Variants in ATP8B1 observed in about 807,000 individuals in gnomAD.
ATP8B1 encodes the protein ATPase phospholipid transporting 8B1.
In ATP8B1, 80 loss-of-function variants were observed where a neutral mutation model predicts 149.9. That is an observed-to-expected ratio of 0.53 (90% CI 0.45 to 0.64). The LOEUF is 0.64. ATP8B1 is among the 30% of genes least tolerant of loss of function. The pLI, the probability that ATP8B1 is intolerant of heterozygous loss-of-function variation, is 0.00. For missense variants in ATP8B1, 1,247 were observed against 1,552.6 expected, an observed-to-expected ratio of 0.80 and a Z score of 3.31; for synonymous variants, 536 against 562.8, an observed-to-expected ratio of 0.95 and a Z score of 0.67.
chr18:57,684,419 C>T (rs1402733945), intron 14 of ATP8B1, among the ~76,000 whole-genome samples: 1 of 151,874 alleles, frequency 6.6e-6, no homozygotes, highest in Non-Finnish European at 1.5e-5. Context: ...CTCTGTCACC[C>T]GGGCTGGAGT....
intron 1 of ATP8B1, among the ~76,000 whole-genome samples, chr18:57,786,519 C>CTT (rs1373868827): frequency 6.6e-6 from 1 of 152,196 alleles, no homozygotes; most frequent in African/African-American, 2.4e-5. Context: ...AGGGACCATA[C>CTT]TTTGAAAACC....
At chr18:57,798,678 G>GT (rs1257801162) in intron 1 of ATP8B1, among the ~76,000 whole-genome samples, 1 of 152,186 alleles carries the variant, frequency 6.6e-6, no homozygotes, top group East Asian at 1.9e-4. Context: ...GATGTGATGG[G>GT]TAAAGGGGGC....
At chr18:57,783,101 C>T (rs1272428006) in intron 1 of ATP8B1, among the ~76,000 whole-genome samples, 1 of 152,078 alleles carries the variant, frequency 6.6e-6, no homozygotes, top group Non-Finnish European at 1.5e-5. Flanking sequence ...GCGTGAGCCA[C>T]GGTGCCCGGC....
chr18:57,695,095 A>C, intron 10 of ATP8B1, 76 bp downstream of exon 10: 1 of 1,501,816 alleles, frequency 6.7e-7, no homozygotes, highest in Non-Finnish European at 9.2e-7. Context: ...TTTGATGGAC[A>C]AAGGACAGAA....
At chr18:57,655,903 C>G (rs1599072696) in intron 22 of ATP8B1, among the ~76,000 whole-genome samples, 1 of 152,332 alleles carries the variant, frequency 6.6e-6, no homozygotes, top group African/African-American at 2.4e-5. Context: ...CCCAGACTCC[C>G]TTGCAGCTAG....
Position 57,661,398 on chromosome 18 carries a change from G to A in ATP8B1, c.2483C>T (p.Thr828Ile), listed in dbSNP as rs1225627274. Residue 828 changes from threonine to isoleucine, a missense_variant, in exon 22 of 28, where the codon ACA (threonine) becomes ATA (isoleucine). By Grantham distance (89) the Thr-to-Ile change is moderately conservative. This residue lies in a region of ATP8B1 where 853 missense variants were observed against 1,035.7 expected (regional missense o/e 0.82). Coordinates refer to ENST00000648908, the MANE Select transcript of ATP8B1 (RefSeq NM_001374385.1). ...GGTCCGCATCCGTCTTTCTTCTTCT[G>A]TTCTTGGGAACTTCAGCTTCAGAAT... ...NKILKLKFPR[T>I]EEERRMRTQS... 1.9e-6 allele frequency: 3 copies of A among 1,613,786 alleles called. No homozygotes were observed. The highest frequency in any genetic ancestry group is 2.5e-6 in the Non-Finnish European group (3 of 1,179,962).
chr18:57,690,581 C>T (rs190198439), intron 12 of ATP8B1, among the ~76,000 whole-genome samples: 1 of 152,308 alleles, frequency 6.6e-6, no homozygotes, highest in East Asian at 1.9e-4. Flanking sequence ...AAAGGTAACA[C>T]TCAACTCGGT....
At chr18:57,764,757 CAAA>C (rs71171091) in intron 1 of ATP8B1, among the ~76,000 whole-genome samples, 37,932 of 103,814 alleles carry the variant, frequency 0.37, 4,292 homozygotes, top group South Asian at 0.42. Flanking sequence ...TTTCAGTTGT[CAAA>C]AAAAAAAAAA....
At chr18:57,688,127 C>T (rs777362773) in intron 13 of ATP8B1, among the ~76,000 whole-genome samples, 172 bp downstream of exon 13, 1 of 152,194 alleles carries the variant, frequency 6.6e-6, no homozygotes, top group Non-Finnish European at 1.5e-5. Flanking sequence ...CATGTGTCCC[C>T]AGTGCTGTCC....
chr18:57,792,780 C>T (rs1217512850), intron 1 of ATP8B1, among the ~76,000 whole-genome samples: 1 of 151,730 alleles, frequency 6.6e-6, no homozygotes, highest in East Asian at 1.9e-4. Context: ...TTGTTTAAAA[C>T]AAAAAAATCC....
chr18:57,795,027 C>T (rs1345109507), intron 1 of ATP8B1, among the ~76,000 whole-genome samples: 1 of 152,080 alleles, frequency 6.6e-6, no homozygotes, highest in East Asian at 1.9e-4. Context: ...TTTTACCAAA[C>T]TGAATAAGGG....
At chr18:57,724,186 A>G (rs1001414905) in intron 2 of ATP8B1, among the ~76,000 whole-genome samples, 1 of 148,348 alleles carries the variant, frequency 6.7e-6, no homozygotes, top group African/African-American at 2.5e-5. Flanking sequence ...GGACATAGGC[A>G]TGGGCAAGGA....
At chr18:57,669,544 A>G in intron 17 of ATP8B1, 62 bp from the exon 18 acceptor site, 2 of 1,488,256 alleles carry the variant, frequency 1.3e-6, no homozygotes, top group Non-Finnish European at 1.8e-6. Flanking sequence ...GTAATTCAGG[A>G]TCAAGTCTGA....
intron 19 of ATP8B1, chr18:57,667,978 TA>T: frequency 1.5e-5 from 15 of 1,028,882 alleles, no homozygotes; most frequent in Non-Finnish European, 1.9e-5. Context: ...GTTCTAAAGT[TA>T]AAAAATTAAA....
At chr18:57,781,415 G>C (rs1415069696) in intron 1 of ATP8B1, among the ~76,000 whole-genome samples, 1 of 152,170 alleles carries the variant, frequency 6.6e-6, no homozygotes, top group Non-Finnish European at 1.5e-5. Context: ...ACCTGTTTTT[G>C]AGCTATATGG....
intron 1 of ATP8B1, among the ~76,000 whole-genome samples, chr18:57,772,551 G>T (rs1489444578): frequency 6.6e-6 from 1 of 152,152 alleles, no homozygotes; most frequent in Non-Finnish European, 1.5e-5. Flanking sequence ...GAAGGCCTTG[G>T]GTGCTAGCGG....
At chr18:57,756,869 T>G (rs2080090761) in intron 1 of ATP8B1, among the ~76,000 whole-genome samples, 1 of 152,216 alleles carries the variant, frequency 6.6e-6, no homozygotes, top group African/African-American at 2.4e-5. Context: ...GGTCAACGTG[T>G]TGTTTGATTT....
chr18:57,753,175 C>T (rs992621081), intron 1 of ATP8B1, among the ~76,000 whole-genome samples: 3 of 152,232 alleles, frequency 2.0e-5, no homozygotes, highest in Non-Finnish European at 4.4e-5. Context: ...AGTAATATAA[C>T]TACTTGGATA....
intron 2 of ATP8B1, among the ~76,000 whole-genome samples, chr18:57,722,265 A>C (rs1166939827): frequency 2.7e-5 from 4 of 148,516 alleles, no homozygotes; most frequent in African/African-American, 9.8e-5. Flanking sequence ...AACTGAAGGA[A>C]ATAGAGACAC....
Sources: allele counts gnomAD v4.1 joint callset (sites outside exome capture counted in the v4.1 genomes callset), GRCh38; gene constraint gnomAD v4.1.1; regional missense constraint gnomAD v4.1.1; transcripts MANE v1.5; gene names NCBI Gene and HGNC (gene_info 2026-07-23, HGNC 2026-07-21).